The following ANKRD30A variants were observed in gnomAD, a reference collection of about 807,000 sequenced individuals.
ANKRD30A encodes ankyrin repeat domain 30A.
ANKRD30A carries 170 observed loss-of-function variants against 166.3 expected under a neutral mutation model. The ratio of observed to expected loss-of-function variants is 1.02; its 90% CI spans 0.90 to 1.16. The LOEUF is 1.16. Among genes scored for constraint, ANKRD30A ranks in the 50% most tolerant of loss-of-function variants. The probability of loss-of-function intolerance (pLI) is 0.00; values close to 1 mark genes in which losing one functional copy is unlikely to be tolerated. For synonymous variants in ANKRD30A, 564 were observed against 508.9 expected (o/e 1.11, Z -1.46); for missense variants, 1,630 against 1,518.0 (o/e 1.07, Z -1.23).
intron 27 of ANKRD30A, among the ~76,000 whole-genome samples, chr10:37,194,792 C>G (rs1840936144): frequency 6.6e-6 from 1 of 152,140 alleles, no homozygotes; most frequent in Non-Finnish European, 1.5e-5. Flanking sequence ...AACTCTAAAA[C>G]ACATTTAATT....
intron 1 of ANKRD30A, among the ~76,000 whole-genome samples, chr10:37,128,012 A>G (rs1836156291): frequency 6.6e-6 from 1 of 152,118 alleles, no homozygotes; most frequent in African/African-American, 2.4e-5. Context: ...TTATAAATAC[A>G]TTTCAGTGAG....
chr10:37,162,786 A>T lies in ANKRD30A; in HGVS notation c.1940A>T (p.Glu647Val), dbSNP rs1588840536. ...TCCAACCCCATTTAGCCTGCCACTG[A>T]AATGCAAAAGTCTGTCCCAAATAAA... is the stretch of plus-strand genomic sequence containing the variant. Reference protein sequence around the residue: ...GKPSAFEPATEMQKSVPNKAL... With the variant: ...GKPSAFEPATVMQKSVPNKAL... The change falls in exon 17 of 36, where the codon GAA becomes GTA. Residue 647 changes from glutamate to valine, a missense_variant. Glu to Val is a moderately radical substitution (Grantham distance 121). Around this residue, in one of 4 missense-constraint regions of ANKRD30A, gnomAD observed 904 missense variants for 818.5 expected, o/e 1.10. Transcript: ENST00000361713. 2 of 1,613,658 alleles carry T rather than the reference A, an allele frequency of 1.2e-6. No homozygotes were observed. Among genetic ancestry groups the T allele is most frequent in the African/African-American group, 2.7e-5 (2 of 74,904 alleles).
At chr10:37,190,258 A>C (rs1199961995) in intron 25 of ANKRD30A, among the ~76,000 whole-genome samples, 1 of 151,874 alleles carries the variant, frequency 6.6e-6, no homozygotes, top group Admixed American at 6.6e-5. Context: ...CTGCATTTTT[A>C]AAAAGTTCTC....
chr10:37,232,382 TG>T (rs1843451543), intron 35 of ANKRD30A, 116 bp from the exon 36 acceptor site: 1 of 151,542 alleles, frequency 6.6e-6, no homozygotes, highest in Non-Finnish European at 1.5e-5. Context: ...ATTTTTAAAA[TG>T]ATGTTCACTT....
the ANKRD30A span, among the ~76,000 whole-genome samples, chr10:37,250,516 G>A: frequency 6.6e-6 from 1 of 152,034 alleles, no homozygotes; most frequent in Non-Finnish European, 1.5e-5. Flanking sequence ...ATATGGTAAC[G>A]TCCTACTGTG....
intron 31 of ANKRD30A, among the ~76,000 whole-genome samples, chr10:37,203,984 A>G (rs940762671): frequency 6.6e-6 from 1 of 152,174 alleles, no homozygotes; most frequent in Non-Finnish European, 1.5e-5. Context: ...TAACGAAATA[A>G]AAGAGGACAC....
intron 3 of ANKRD30A, 78 bp downstream of exon 3, chr10:37,130,456 A>T: frequency 8.6e-7 from 1 of 1,157,258 alleles, no homozygotes; most frequent in Middle Eastern, 2.2e-4. Flanking sequence ...GGTTTTTTAT[A>T]TTTGGAAGCT....
chr10:37,206,519 G>A (rs111287081), intron 31 of ANKRD30A, among the ~76,000 whole-genome samples: 43 of 152,310 alleles, frequency 2.8e-4, no homozygotes, highest in African/African-American at 9.9e-4. Context: ...GCTGGGCCCG[G>A]TGGCTCATGC....
chr10:37,149,955 T>G (rs551268572), intron 11 of ANKRD30A, 106 bp downstream of exon 11: 4 of 1,471,564 alleles, frequency 2.7e-6, no homozygotes, highest in Non-Finnish European at 2.8e-6. Context: ...GATGAAAACA[T>G]TTGATCTAGA....
Position 37,158,554 on chromosome 10 carries a change from T to C in ANKRD30A, c.1868T>C (p.Leu623Ser). Residue 623 changes from leucine to serine, a missense_variant, in exon 15 of 36, where the codon TTA becomes TCA. Leu to Ser is a moderately radical substitution (Grantham distance 145). Around this residue, in one of 4 missense-constraint regions of ANKRD30A, gnomAD observed 904 missense variants for 818.5 expected, o/e 1.10. Coordinates refer to ENST00000361713, the MANE Select transcript of ANKRD30A (RefSeq NM_052997.3). ...GMKVSIPTKA[L>S]ELKDMQTFKA... ...AAAGTTTCTATTCCAACTAAAGCCT[T>C]AGAATTGAAGGACATGCAAACTTTC... The C allele has an allele frequency of 6.2e-7, 1 of 1,613,514 alleles. No homozygotes were observed. The highest frequency in any genetic ancestry group is 1.1e-5 in the South Asian group (1 of 90,898).
In ANKRD30A at chr10:37,212,877, C is replaced by G. The variant is rs934089493; in HGVS notation, c.2870-3304C>G. Among the ~76,000 whole-genome samples the G allele has an allele frequency of 4.6e-5, 7 of 151,520 alleles. No individual in the cohort carries two copies. In the Admixed American group the frequency reaches 4.6e-4, roughly 10 times the overall value. On this transcript the variant is annotated intron_variant, in intron 31 of 35. Coordinates refer to ENST00000361713, the MANE Select transcript of ANKRD30A (RefSeq NM_052997.3). Reference sequence around the variant, plus strand: ...TTGTCAAAGATCAGATGGTAATTTTCACATTTCAATGAATTTGTCAATTTT... The same window carrying G: ...TTGTCAAAGATCAGATGGTAATTTTGACATTTCAATGAATTTGTCAATTTT...
rs550586396 is a variant in ANKRD30A, at chr10:37,199,938, T to G, written c.2778+150T>G. Reference sequence around the variant, plus strand: ...CAGAATATGCTTAATAGAGAATCTATGTGCTAAGTAGATTACTGCTTCACA... The same window carrying G: ...CAGAATATGCTTAATAGAGAATCTAGGTGCTAAGTAGATTACTGCTTCACA... On this transcript the variant is annotated intron_variant, in intron 30 of 35. Coordinates refer to ENST00000361713, the MANE Select transcript of ANKRD30A (RefSeq NM_052997.3). 9.0e-5 allele frequency: 45 copies of G among 498,234 alleles called. No homozygotes were observed. The South Asian group carries it at 9.2e-4, about 10-fold the overall frequency. 30.9% of individuals were successfully genotyped at this position (498,234 alleles called of 1,614,324 possible).
intron 33 of ANKRD30A, 35 bp downstream of exon 33, chr10:37,217,913 A>G (rs1842687833): frequency 7.1e-7 from 1 of 1,414,256 alleles, no homozygotes; most frequent in Non-Finnish European, 9.5e-7. Context: ...TTATATTTCT[A>G]ACTTTATTTC....
intron 15 of ANKRD30A, 134 bp downstream of exon 15, chr10:37,158,720 T>G: frequency 7.5e-7 from 1 of 1,330,190 alleles, no homozygotes; most frequent in Non-Finnish European, 1.0e-6. Flanking sequence ...AATGCCAATG[T>G]GAGTATTTCT....
At chr10:37,196,928 C>G (rs188535546) in intron 27 of ANKRD30A, among the ~76,000 whole-genome samples, 1 of 152,116 alleles carries the variant, frequency 6.6e-6, no homozygotes, top group South Asian at 2.1e-4. Context: ...TGTTAAAGAA[C>G]AGGATGAATG....
chr10:37,242,319 AT>A, the ANKRD30A span, among the ~76,000 whole-genome samples: 1 of 152,138 alleles, frequency 6.6e-6, no homozygotes, highest in Non-Finnish European at 1.5e-5. Flanking sequence ...GCATCCTATC[AT>A]TGGACCACAG....
At chr10:37,240,146 A>G in the ANKRD30A span, among the ~76,000 whole-genome samples, 1 of 152,128 alleles carries the variant, frequency 6.6e-6, no homozygotes, top group Admixed American at 6.6e-5. Context: ...ACACATATTT[A>G]ATGAAAGATA....
downstream of ANKRD30A, among the ~76,000 whole-genome samples, chr10:37,235,244 T>TC (rs567482400): frequency 2.1e-4 from 32 of 152,304 alleles, no homozygotes; most frequent in South Asian, 5.4e-3. Context: ...TATTCATTTT[T>TC]CCCCCACAAG....
the ANKRD30A span, among the ~76,000 whole-genome samples, chr10:37,244,975 G>A: frequency 1.3e-5 from 2 of 152,104 alleles, no homozygotes; most frequent in African/African-American, 4.8e-5. Flanking sequence ...AGAAGAGAGG[G>A]AAAATGCCAT....
Sources: allele counts gnomAD v4.1 joint callset (sites outside exome capture counted in the v4.1 genomes callset), GRCh38; gene constraint gnomAD v4.1.1; regional missense constraint gnomAD v4.1.1; transcripts MANE v1.5; gene names NCBI Gene and HGNC (gene_info 2026-07-23, HGNC 2026-07-21).